SMAD1: variants seen among roughly 807,000 people sequenced by gnomAD.
The protein encoded by SMAD1 is SMAD family member 1.
Under a neutral mutation model 41.6 loss-of-function variants are expected in SMAD1, and 6 were observed. The ratio of observed to expected loss-of-function variants is 0.14; its 90% CI spans 0.08 to 0.28. The LOEUF (loss-of-function observed/expected upper bound fraction) is 0.28, where lower values mean the gene tolerates loss of function less well. Among genes scored for constraint, SMAD1 ranks in the 10% least tolerant of loss-of-function variants. SMAD1 has a pLI of 1.00. For synonymous variants in SMAD1, 206 were observed against 203.2 expected (o/e 1.01, Z -0.12); for missense variants, 379 against 582.6 (o/e 0.65, Z 3.60).
At chr4:145,492,552 C>G (rs1258263781) in intron 1 of SMAD1, among the ~76,000 whole-genome samples, 1 of 152,200 alleles carries the variant, frequency 6.6e-6, no homozygotes, top group Non-Finnish European at 1.5e-5. Context: ...GTTCAGCTGT[C>G]CAGAAGCTCT....
rs1321302984 is a variant in SMAD1, at chr4:145,528,610, C to T, written c.401-11194C>T. The stretch of plus-strand genomic sequence containing the variant: ...TATATTTAATTGCATCAAATATAAA[C>T]TCAGAATGAGCTGAATATAATTAAT... On this transcript the variant is annotated intron_variant, in intron 2 of 6. Transcript: ENST00000302085. 2.6e-5 allele frequency among the ~76,000 whole-genome samples: 4 copies of T among 152,150 alleles called. No individual in the cohort carries two copies. In the East Asian group the frequency reaches 7.7e-4, roughly 29 times the overall value.
chr4:145,534,191 A>G (rs1301836554), intron 2 of SMAD1, among the ~76,000 whole-genome samples: 2 of 152,234 alleles, frequency 1.3e-5, no homozygotes, highest in African/African-American at 4.8e-5. Context: ...TCACAGCAAC[A>G]GTGAGAAAAT....
chr4:145,499,055 T>C (rs962555304), intron 1 of SMAD1, among the ~76,000 whole-genome samples: 2 of 152,202 alleles, frequency 1.3e-5, no homozygotes, highest in African/African-American at 4.8e-5. Context: ...CAACTTCGAC[T>C]ATCATGTAAA....
At chr4:145,556,832 A>G (rs890618022) in intron 6 of SMAD1, among the ~76,000 whole-genome samples, 2 of 152,164 alleles carry the variant, frequency 1.3e-5, no homozygotes, top group African/African-American at 4.8e-5. Context: ...CAGGGATTAC[A>G]GGGATACACC....
At chr4:145,497,363 G>A (rs1729143662) in intron 1 of SMAD1, 1 of 152,208 alleles carries the variant, frequency 6.6e-6, no homozygotes, top group South Asian at 2.1e-4. Flanking sequence ...CTCCTTAGAT[G>A]AAGAGCCTGA....
intron 6 of SMAD1, among the ~76,000 whole-genome samples, chr4:145,555,350 T>C (rs925346921): frequency 6.6e-6 from 1 of 152,188 alleles, no homozygotes; most frequent in African/African-American, 2.4e-5. Flanking sequence ...TTAATTGGTA[T>C]GGAGGAAAGA....
intron 5 of SMAD1, among the ~76,000 whole-genome samples, chr4:145,549,277 A>G (rs561163930): frequency 6.6e-6 from 1 of 152,332 alleles, no homozygotes; most frequent in South Asian, 2.1e-4. Context: ...GGTAGATTAG[A>G]CCAATGTTAA....
intron 2 of SMAD1, among the ~76,000 whole-genome samples, chr4:145,524,738 G>A (rs536928104): frequency 6.6e-6 from 1 of 151,352 alleles, no homozygotes; most frequent in African/African-American, 2.4e-5. Flanking sequence ...TCCATTGCTG[G>A]TTCATAGAGC....
chr4:145,498,315 C>T (rs976612539), intron 1 of SMAD1, among the ~76,000 whole-genome samples: 1 of 152,052 alleles, frequency 6.6e-6, no homozygotes, highest in Non-Finnish European at 1.5e-5. Flanking sequence ...CATTCCTATC[C>T]ATATCATATT....
chr4:145,509,355 T>C (rs1413100626), intron 1 of SMAD1, among the ~76,000 whole-genome samples: 1 of 152,220 alleles, frequency 6.6e-6, no homozygotes, highest in Non-Finnish European at 1.5e-5. Context: ...TAGCAGGTGC[T>C]TAATACAGCT....
chr4:145,499,830 C>A (rs1424037493), intron 1 of SMAD1, among the ~76,000 whole-genome samples: 2 of 152,016 alleles, frequency 1.3e-5, no homozygotes, highest in African/African-American at 4.8e-5. Flanking sequence ...GAATTATGGA[C>A]ATTTAGTCCA....
At position 145,495,550 on chromosome 4, in the gene SMAD1, G is replaced by C. The variant is rs546419743; in HGVS notation, c.-177+13512G>C. 2.7e-5 allele frequency among the ~76,000 whole-genome samples: 4 copies of C among 146,864 alleles called. No homozygotes were observed. In the South Asian group the frequency reaches 8.7e-4, roughly 32 times the overall value. On this transcript the variant is annotated intron_variant, in intron 1 of 6. Transcript: ENST00000302085. ...AAGATAAAAAGAGCTAGCAATTTTT[G>C]TTTTCTTTATGTTTTCAATAAAGGA...
At position 145,482,231 on chromosome 4, in the gene SMAD1, C is replaced by G. The variant is rs1033205406; in HGVS notation, c.-177+193C>G. ...GCGCGGGGCGGGCCGCGACCCCCCCCCCCCATGATGGCGCCTCCCGTCTGC... is the reference window on the plus strand; with the variant it reads ...GCGCGGGGCGGGCCGCGACCCCCCCGCCCCATGATGGCGCCTCCCGTCTGC... On this transcript the variant is annotated intron_variant, in intron 1 of 6. Coordinates refer to ENST00000302085, the MANE Select transcript of SMAD1 (RefSeq NM_005900.3). This position sits in a 1 kb window ranked among gnomAD's most constrained non-coding sequence, Gnocchi z 4.2. Among the ~76,000 whole-genome samples the G allele has an allele frequency of 7.3e-5, 11 of 150,462 alleles. No homozygotes were observed. The East Asian group carries it at 1.6e-3, about 22-fold the overall frequency.
intron 5 of SMAD1, among the ~76,000 whole-genome samples, chr4:145,552,769 A>G (rs571167238): frequency 2.6e-5 from 4 of 152,258 alleles, no homozygotes; most frequent in African/African-American, 7.2e-5. Flanking sequence ...CAATAAATGC[A>G]AGAGCGCTTT....
intron 2 of SMAD1, among the ~76,000 whole-genome samples, chr4:145,530,812 C>T (rs1000459022): frequency 1.3e-5 from 2 of 152,166 alleles, no homozygotes; most frequent in Non-Finnish European, 2.9e-5. Flanking sequence ...TTTTATAGTA[C>T]TGAGTGATTG....
intron 3 of SMAD1, 31 bp downstream of exon 3, chr4:145,540,092 G>T: frequency 6.2e-7 from 1 of 1,612,636 alleles, no homozygotes; most frequent in Non-Finnish European, 8.5e-7. Flanking sequence ...ATGTTCTGTA[G>T]TCATATCAGA....
chr4:145,490,611 G>A (rs927398795), intron 1 of SMAD1, among the ~76,000 whole-genome samples: 1 of 152,174 alleles, frequency 6.6e-6, no homozygotes, highest in African/African-American at 2.4e-5. Flanking sequence ...GATTGCCTGG[G>A]TGTAAGACCA....
intron 2 of SMAD1, among the ~76,000 whole-genome samples, chr4:145,522,374 G>A (rs147578299): frequency 0.014 from 2,084 of 152,246 alleles, 64 homozygotes; most frequent in African/African-American, 0.048. Context: ...GGCCAAGGCG[G>A]GTGGATCACC....
intron 1 of SMAD1, among the ~76,000 whole-genome samples, chr4:145,489,765 T>C (rs1358795195): frequency 6.6e-6 from 1 of 152,316 alleles, no homozygotes; most frequent in Non-Finnish European, 1.5e-5. Flanking sequence ...TACGTTAGAC[T>C]CTCTGCAGTC....
Sources: gnomAD v4.1 joint callset for allele counts (sites outside exome capture counted in the v4.1 genomes callset) on GRCh38, gnomAD v4.1.1 for gene constraint, Gnocchi (gnomAD v3.1) non-coding constraint, MANE v1.5 for transcripts, NCBI Gene and HGNC (gene_info 2026-07-23, HGNC 2026-07-21) for gene names.